C12orf42: variants seen among roughly 807,000 people sequenced by gnomAD.
The protein encoded by C12orf42 is uncharacterized protein C12orf42.
C12orf42 carries 25 observed loss-of-function variants against 21.6 expected under a neutral mutation model. The ratio of observed to expected loss-of-function variants is 1.16; its 90% CI spans 0.84 to 1.62. C12orf42 has a LOEUF of 1.62. Among genes scored for constraint, C12orf42 ranks in the 40% most tolerant of loss-of-function variants. The pLI, the probability that C12orf42 is intolerant of heterozygous loss-of-function variation, is 0.00. For missense variants in C12orf42, 483 were observed against 459.3 expected (o/e 1.05, Z -0.47); for synonymous variants, 174 against 175.0 (o/e 0.99, Z 0.05).
At chr12:103,284,114 G>C (rs1259093496) in intron 4 of C12orf42, among the ~76,000 whole-genome samples, 1 of 152,140 alleles carries the variant, frequency 6.6e-6, no homozygotes, top group Non-Finnish European at 1.5e-5. Context: ...TGTGACACCT[G>C]AGTGCTCCTA....
At chr12:103,433,613 G>T (rs1221206374) in intron 2 of C12orf42, among the ~76,000 whole-genome samples, 1 of 152,142 alleles carries the variant, frequency 6.6e-6, no homozygotes, top group Non-Finnish European at 1.5e-5. Context: ...CCAGGAAGTG[G>T]GAGGGACATT....
chr12:103,512,764 G>A, the C12orf42 span, among the ~76,000 whole-genome samples: 5 of 152,138 alleles, frequency 3.3e-5, no homozygotes, highest in African/African-American at 1.2e-4. Context: ...AGCACTTTGG[G>A]AAGCCAAGGC....
chr12:103,063,321 ATGCAACTGACTGACC>A, the C12orf42 span, among the ~76,000 whole-genome samples: 1 of 152,330 alleles, frequency 6.6e-6, no homozygotes, highest in Middle Eastern at 3.4e-3. Flanking sequence ...AGCTCTTATC[ATGCAACTGACTGACC>A]TGCAATGAAA....
At chr12:103,451,593 T>A (rs1951946571) in intron 2 of C12orf42, among the ~76,000 whole-genome samples, 1 of 152,086 alleles carries the variant, frequency 6.6e-6, no homozygotes, top group African/African-American at 2.4e-5. Context: ...CAGTTCTTTC[T>A]TAAACTCATG....
intron 10 of C12orf42, among the ~76,000 whole-genome samples, chr12:103,259,569 A>G (rs2034788603): frequency 6.6e-6 from 1 of 152,150 alleles, no homozygotes; most frequent in African/African-American, 2.4e-5. Flanking sequence ...ATAAGCCACC[A>G]TGCCTGGCCA....
At chr12:103,176,100 T>A in the C12orf42 span, among the ~76,000 whole-genome samples, 1 of 151,264 alleles carries the variant, frequency 6.6e-6, no homozygotes, top group Non-Finnish European at 1.5e-5. Flanking sequence ...ATATCCCACC[T>A]CCCCCCAGTT....
chr12:103,347,576 A>G (rs1005789540), intron 4 of C12orf42, among the ~76,000 whole-genome samples: 1 of 152,198 alleles, frequency 6.6e-6, no homozygotes, highest in African/African-American at 2.4e-5. Context: ...ATAGCAAGTG[A>G]AAATTCATTA....
chr12:103,086,670 C>A, the C12orf42 span, among the ~76,000 whole-genome samples: 1 of 151,864 alleles, frequency 6.6e-6, no homozygotes, highest in African/African-American at 2.4e-5. Flanking sequence ...TTAATCCCTT[C>A]ATTTTGAAAC....
chr12:103,280,315 C>T (rs1438551730), intron 4 of C12orf42, among the ~76,000 whole-genome samples: 3 of 152,088 alleles, frequency 2.0e-5, no homozygotes, highest in Non-Finnish European at 2.9e-5. Context: ...AGATATATTT[C>T]ATTTTTCAAA....
downstream of C12orf42, among the ~76,000 whole-genome samples, chr12:103,266,290 C>G (rs1015421754): frequency 6.6e-6 from 1 of 152,038 alleles, no homozygotes; most frequent in African/African-American, 2.4e-5. Flanking sequence ...AACAAAAGCC[C>G]AAGACTGGTT....
intron 5 of C12orf42, among the ~76,000 whole-genome samples, chr12:103,276,733 G>A (rs1000849947): frequency 2.0e-5 from 3 of 152,170 alleles, no homozygotes; most frequent in African/African-American, 7.2e-5. Flanking sequence ...TTATCATAAC[G>A]TAATGAAAGC....
the C12orf42 span, among the ~76,000 whole-genome samples, chr12:103,149,585 C>T: frequency 2.4e-4 from 37 of 152,026 alleles, no homozygotes; most frequent in African/African-American, 8.9e-4. Context: ...GGCGGTTTCC[C>T]CCATGTTGCT....
At chr12:103,162,219 G>T in the C12orf42 span, among the ~76,000 whole-genome samples, 90 of 152,312 alleles carry the variant, frequency 5.9e-4, no homozygotes, top group Non-Finnish European at 1.1e-3. Flanking sequence ...TAAAGAGGCA[G>T]CACTTTTTGG....
chr12:103,393,813 C>G lies in C12orf42; in HGVS notation c.147+7794G>C, dbSNP rs1466679618. On this transcript the variant is annotated intron_variant, in intron 3 of 5. Transcript: ENST00000548883. ...ATACACATCTCTTAGAAATCAAAAC[C>G]TATGGCATTTATTCATAACTCTGTG... Among the ~76,000 whole-genome samples, 3 of 152,294 alleles carry G rather than the reference C, an allele frequency of 2.0e-5. No individual in the cohort carries two copies. The East Asian group carries it at 5.8e-4, about 29-fold the overall frequency.
chr12:103,223,195 T>TG, the C12orf42 span, among the ~76,000 whole-genome samples: 2 of 151,984 alleles, frequency 1.3e-5, no homozygotes, highest in African/African-American at 4.8e-5. Flanking sequence ...CGAAAATTTT[T>TG]GGGGGGTGGT....
intron 3 of C12orf42, among the ~76,000 whole-genome samples, chr12:103,381,260 A>G (rs957866147): frequency 6.6e-6 from 1 of 152,248 alleles, no homozygotes; most frequent in African/African-American, 2.4e-5. Context: ...TTAAGACAGT[A>G]TGGAGAATCC....
At chr12:103,385,471 A>G (rs1006526376) in intron 3 of C12orf42, among the ~76,000 whole-genome samples, 3 of 152,210 alleles carry the variant, frequency 2.0e-5, no homozygotes, top group Non-Finnish European at 1.5e-5. Context: ...ATGAATCCAG[A>G]TATGGTCTTC....
the C12orf42 span, among the ~76,000 whole-genome samples, chr12:103,132,846 C>T: frequency 2.0e-5 from 3 of 152,344 alleles, no homozygotes; most frequent in East Asian, 1.9e-4. Context: ...TTCCCCGAAA[C>T]GTCTGGCATA....
the C12orf42 span, among the ~76,000 whole-genome samples, chr12:103,552,720 T>C: frequency 2.6e-5 from 4 of 152,160 alleles, no homozygotes; most frequent in East Asian, 5.8e-4. Context: ...ACTATTGATA[T>C]TTGAGGCTGT....
Sources: gnomAD v4.1 joint callset for allele counts (sites outside exome capture counted in the v4.1 genomes callset) on GRCh38, gnomAD v4.1.1 for gene constraint, MANE v1.5 for transcripts, NCBI Gene and HGNC (gene_info 2026-07-23, HGNC 2026-07-21) for gene names.